Variants in CHMP4B observed in about 807,000 individuals in gnomAD.
The protein encoded by CHMP4B is SNF7 homolog associated with Alix 1.
In CHMP4B, 1 loss-of-function variant was observed where a neutral mutation model predicts 25.1. That is an observed-to-expected ratio of 0.04 (90% confidence interval 0.01 to 0.19). The LOEUF (loss-of-function observed/expected upper bound fraction) is 0.19, where lower values mean the gene tolerates loss of function less well. Ranked by LOEUF, CHMP4B falls within the 10% of genes least tolerant of loss-of-function variation. The probability of loss-of-function intolerance (pLI) is 1.00; values close to 1 mark genes in which losing one functional copy is unlikely to be tolerated. For synonymous variants in CHMP4B, 101 were observed against 115.6 expected (o/e 0.87, Z 0.81); for missense variants, 151 against 289.7 (o/e 0.52, Z 3.48).
rs377434548 is a variant in CHMP4B at position 33,852,082 on chromosome 20, G to A, written c.489G>A (p.Glu163=). 6 of 1,614,048 alleles carry A rather than the reference G, an allele frequency of 3.7e-6. No individual in the cohort carries two copies. In the African/African-American group the frequency reaches 8.0e-5, roughly 22 times the overall value. ...VGFGEEFDED[E]LMAELEELEQ... ...TTTGTGTTTCCTTTTACTAGGATGA[G>A]CTCATGGCGGAATTAGAAGAACTAG... The change falls in exon 4 of 5, where the codon GAG becomes GAA. Residue 163 remains glutamate (E), a synonymous_variant. Transcript: ENST00000217402.
rs1462332977 is a variant in CHMP4B at position 33,811,425 on chromosome 20, C to T, written c.-44C>T. 3 of 1,445,198 alleles carry T rather than the reference C, an allele frequency of 2.1e-6. No homozygotes were observed. The highest frequency in any genetic ancestry group is 2.7e-6 in the Non-Finnish European group (3 of 1,099,502). The allele number at this position is 1,445,198 out of a possible 1,614,324, so 89.5% of individuals were successfully genotyped here. ...CGACCCGAGCCGAGCCGAGCCGAGC[C>T]GAGCCGGAGCGGGCGGCGAAGGCCG... On this transcript the variant is annotated 5_prime_UTR_variant, in exon 1 of 5. Transcript: ENST00000217402.
intron 1 of CHMP4B, among the ~76,000 whole-genome samples, chr20:33,827,881 C>T (rs1394716977): frequency 6.6e-6 from 1 of 152,202 alleles, no homozygotes; most frequent in Admixed American, 6.5e-5. Context: ...GAACCAGCTG[C>T]TGAGGGCTGG....
chr20:33,830,933 GTTTT>G (rs55917511), intron 1 of CHMP4B, among the ~76,000 whole-genome samples: 1 of 102,524 alleles, frequency 9.8e-6, no homozygotes, highest in Admixed American at 1.2e-4. Flanking sequence ...AAGGAACAGA[GTTTT>G]TTTTTTTTTT....
intron 2 of CHMP4B, among the ~76,000 whole-genome samples, chr20:33,850,746 G>A (rs939991686): frequency 1.3e-5 from 2 of 152,232 alleles, no homozygotes; most frequent in Non-Finnish European, 2.9e-5. Context: ...GTGTCTTAAA[G>A]ACATTCCCGT....
intron 4 of CHMP4B, among the ~76,000 whole-genome samples, chr20:33,853,105 A>G (rs1481059119): frequency 6.6e-6 from 1 of 152,098 alleles, no homozygotes; most frequent in Non-Finnish European, 1.5e-5. Flanking sequence ...AGCCTCCTGG[A>G]GCTGTGTGGC....
intron 1 of CHMP4B, among the ~76,000 whole-genome samples, chr20:33,847,349 C>T (rs1261145952): frequency 1.3e-5 from 2 of 151,704 alleles, no homozygotes; most frequent in Non-Finnish European, 2.9e-5. Context: ...ATAACCAGCT[C>T]AAAATATGCC....
chr20:33,812,340 T>A (rs1568603901), intron 1 of CHMP4B, among the ~76,000 whole-genome samples: 6 of 152,326 alleles, frequency 3.9e-5, no homozygotes, highest in Admixed American at 3.9e-4. Context: ...TTTTGTTGCC[T>A]CGTAGCTTGA....
intron 1 of CHMP4B, 146 bp from the exon 2 acceptor site, chr20:33,848,321 G>A (rs1979745195): frequency 1.2e-6 from 1 of 806,826 alleles, no homozygotes; most frequent in Non-Finnish European, 2.1e-6. Context: ...AATTGAATGT[G>A]CTCTTTGTGT....
chr20:33,850,883 G>T, intron 2 of CHMP4B, 69 bp from the exon 3 acceptor site: 1 of 1,128,986 alleles, frequency 8.9e-7, no homozygotes, highest in Non-Finnish European at 1.3e-6. Flanking sequence ...TTCTGCTCCC[G>T]CCTTGCCTTG....
At position 33,811,407 on chromosome 20, in the gene CHMP4B, A is replaced by G; in HGVS notation, c.-62A>G. On this transcript the variant is annotated 5_prime_UTR_variant, in exon 1 of 5. Transcript: ENST00000217402. Reference sequence around the variant, plus strand: ...GGGAGCGGGCGCCGGAGCCGACCCGAGCCGAGCCGAGCCGAGCCGAGCCGG... The same window carrying G: ...GGGAGCGGGCGCCGGAGCCGACCCGGGCCGAGCCGAGCCGAGCCGAGCCGG... 1 of 1,348,364 alleles carries G rather than the reference A, an allele frequency of 7.4e-7. No individual in the cohort carries two copies. The highest frequency in any genetic ancestry group is 9.6e-7 in the Non-Finnish European group (1 of 1,040,998). The allele number at this position is 1,348,364 out of a possible 1,614,324, so 83.5% of individuals were successfully genotyped here.
Position 33,853,773 on chromosome 20 carries a change from G to GGGGGGGGGGGGGGGGGGGGGGAAA in CHMP4B, c.*213_*214insGGGGGGGGGGGGGGGGGGGGGAAA. 4.0e-5 allele frequency: 1 copy of GGGGGGGGGGGGGGGGGGGGGGAAA among 25,270 alleles called. No individual in the cohort carries two copies. Among genetic ancestry groups the GGGGGGGGGGGGGGGGGGGGGGAAA allele is most frequent in the East Asian group, 1.2e-3 (1 of 846 alleles). The allele number at this position is 25,270 out of a possible 1,614,324, so 1.6% of individuals were successfully genotyped here. A position where few individuals can be genotyped will look rare whatever the true frequency, so the allele number is the denominator to read the frequency against. Reference sequence around the variant, plus strand: ...GGGGGGAGGGGGGCGGGCGGGGTGGGAAGTGCCTGCTGTTTATAATGTTGA... The same window carrying GGGGGGGGGGGGGGGGGGGGGGAAA: ...GGGGGGAGGGGGGCGGGCGGGGTGGGGGGGGGGGGGGGGGGGGGGGGAAAAAGTGCCTGCTGTTTATAATGTTGA... On this transcript the variant is annotated 3_prime_UTR_variant, in exon 5 of 5. Coordinates refer to ENST00000217402, the MANE Select transcript of CHMP4B (RefSeq NM_176812.5).
chr20:33,846,966 T>C (rs1322808139), intron 1 of CHMP4B, among the ~76,000 whole-genome samples: 1 of 152,186 alleles, frequency 6.6e-6, no homozygotes, highest in Non-Finnish European at 1.5e-5. Flanking sequence ...CAAACTGAAT[T>C]GATATAAGAC....
At chr20:33,829,967 A>G (rs555943237) in intron 1 of CHMP4B, among the ~76,000 whole-genome samples, 10 of 152,194 alleles carry the variant, frequency 6.6e-5, no homozygotes, top group Non-Finnish European at 1.5e-4. Flanking sequence ...GGAAATATAA[A>G]CGACTTGAGA....
chr20:33,838,534 A>T (rs2040639524), intron 1 of CHMP4B, among the ~76,000 whole-genome samples: 1 of 152,240 alleles, frequency 6.6e-6, no homozygotes. Flanking sequence ...AATATGTAAT[A>T]TTCAAATTTA....
intron 1 of CHMP4B, among the ~76,000 whole-genome samples, chr20:33,827,716 T>C (rs997266552): frequency 6.6e-6 from 1 of 152,214 alleles, no homozygotes; most frequent in Admixed American, 6.5e-5. Context: ...CTGTTGGGGC[T>C]CAGCAGGTTC....
chr20:33,815,781 C>G (rs1362648868), intron 1 of CHMP4B, among the ~76,000 whole-genome samples: 1 of 152,202 alleles, frequency 6.6e-6, no homozygotes, highest in African/African-American at 2.4e-5. Flanking sequence ...ACGGGACGAA[C>G]TCAACTCAAA....
intron 1 of CHMP4B, among the ~76,000 whole-genome samples, chr20:33,830,097 T>A (rs1979198079): frequency 6.6e-6 from 1 of 152,182 alleles, no homozygotes; most frequent in Non-Finnish European, 1.5e-5. Context: ...TGGTGGAGAA[T>A]GAAGACATTC....
At chr20:33,824,969 G>A (rs1232440427) in intron 1 of CHMP4B, among the ~76,000 whole-genome samples, 1 of 152,178 alleles carries the variant, frequency 6.6e-6, no homozygotes, top group African/African-American at 2.4e-5. Context: ...GAGCAGGGCT[G>A]GGTGGAGCCT....
chr20:33,811,804 TC>T (rs1482912331), intron 1 of CHMP4B, 146 bp downstream of exon 1: 1 of 790,764 alleles, frequency 1.3e-6, no homozygotes, highest in Non-Finnish European at 2.1e-6. Flanking sequence ...TGGGACCCCC[TC>T]CCCGACTCCC....
Sources: gnomAD v4.1 joint callset for allele counts (sites outside exome capture counted in the v4.1 genomes callset) on GRCh38, gnomAD v4.1.1 for gene constraint, MANE v1.5 for transcripts, NCBI Gene and HGNC (gene_info 2026-07-23, HGNC 2026-07-21) for gene names.